DOCK6: variants seen among roughly 807,000 people sequenced by gnomAD.
The protein encoded by DOCK6 is dedicator of cytokinesis 6.
A neutral mutation model predicts 230.3 loss-of-function variants in DOCK6; 167 were observed. The observed-to-expected ratio is 0.73, with a 90% CI of 0.64 to 0.82. The LOEUF (loss-of-function observed/expected upper bound fraction) is 0.82, where lower values mean the gene tolerates loss of function less well. Ranked by LOEUF, DOCK6 falls within the 40% of genes least tolerant of loss-of-function variation. The probability of loss-of-function intolerance (pLI) is 0.00; values close to 1 mark genes in which losing one functional copy is unlikely to be tolerated. For synonymous variants in DOCK6, 1,148 were observed against 1,185.0 expected, an observed-to-expected ratio of 0.97 and a Z score of 0.64; for missense variants, 2,598 against 2,825.8, an observed-to-expected ratio of 0.92 and a Z score of 1.83.
Position 11,252,947 on chromosome 19 carries a change from A to G in DOCK6, c.144T>C (p.Thr48=). ...RCSSSLGVPL[T]EVVEPLDFED... ...CAAAGTCCAGGGGCTCGACAACTTCAGTCAGTGGGACCTGGATTGGAGCAA... is the reference window on the plus strand; with the variant it reads ...CAAAGTCCAGGGGCTCGACAACTTCGGTCAGTGGGACCTGGATTGGAGCAA... The change falls in exon 3 of 48, where the codon ACT becomes ACC. Residue 48 remains threonine (T), a synonymous_variant. Coordinates refer to ENST00000294618, the MANE Select transcript of DOCK6 (RefSeq NM_020812.4). 1 of 1,606,864 alleles carries G rather than the reference A, an allele frequency of 6.2e-7. No individual in the cohort carries two copies. Among genetic ancestry groups the G allele is most frequent in the Non-Finnish European group, 8.5e-7 (1 of 1,176,786 alleles).
At position 11,223,118 on chromosome 19, in the gene DOCK6, G is replaced by T. The variant is rs1313086521; in HGVS notation, c.2956-12C>A. ...GCCAGCTCCACATCCTGGGGACACAGGTGCCTGTCAACCCACACACCCAAA... is the reference window on the plus strand; with the variant it reads ...GCCAGCTCCACATCCTGGGGACACATGTGCCTGTCAACCCACACACCCAAA... On this transcript the variant is annotated splice_polypyrimidine_tract_variant and intron_variant, in intron 24 of 47. Coordinates refer to ENST00000294618, the MANE Select transcript of DOCK6 (RefSeq NM_020812.4). The T allele has an allele frequency of 1.2e-6, 2 of 1,610,486 alleles. No homozygotes were observed. Among genetic ancestry groups the T allele is most frequent in the Admixed American group, 3.3e-5 (2 of 59,958 alleles).
intron 31 of DOCK6, 88 bp from the exon 32 acceptor site, chr19:11,215,559 C>T (rs958493067): frequency 3.5e-6 from 5 of 1,410,200 alleles, no homozygotes. Flanking sequence ...TGAAGATATT[C>T]AGGTGGGCTG....
At chr19:11,256,131 TG>T (rs1056810213) in intron 1 of DOCK6, among the ~76,000 whole-genome samples, 3 of 152,042 alleles carry the variant, frequency 2.0e-5, no homozygotes, top group African/African-American at 7.2e-5. Flanking sequence ...TTCTACTGAC[TG>T]GGGGGGTTGA....
At chr19:11,228,875 C>T in intron 23 of DOCK6, 65 bp downstream of exon 23, 1 of 1,546,586 alleles carries the variant, frequency 6.5e-7, no homozygotes, top group Non-Finnish European at 8.9e-7. Flanking sequence ...GGGCTTCTCT[C>T]TTTAAAAAAG....
At chr19:11,249,898 C>CAAA (rs1198954379) in intron 6 of DOCK6, among the ~76,000 whole-genome samples, 523 of 50,308 alleles carry the variant, frequency 0.01, 35 homozygotes, top group African/African-American at 0.05. Flanking sequence ...GACTCCATCT[C>CAAA]AAAAAAAAAA....
At chr19:11,225,035 G>A (rs1308222000) in intron 24 of DOCK6, among the ~76,000 whole-genome samples, 1 of 151,642 alleles carries the variant, frequency 6.6e-6, no homozygotes. Flanking sequence ...CTGCACTCCC[G>A]CCTGGGCGAC....
chr19:11,244,749 G>T (rs1432233184), intron 9 of DOCK6, among the ~76,000 whole-genome samples: 1 of 152,000 alleles, frequency 6.6e-6, no homozygotes, highest in African/African-American at 2.4e-5. Context: ...GTGAGCCACC[G>T]CGCCCAGCCA....
At chr19:11,210,087 C>G (rs1339247016) in intron 37 of DOCK6, among the ~76,000 whole-genome samples, 1 of 140,900 alleles carries the variant, frequency 7.1e-6, no homozygotes, top group Non-Finnish European at 1.6e-5. Context: ...CCCTCACCTG[C>G]CCACCTTCTC....
intron 30 of DOCK6, 59 bp downstream of exon 30, chr19:11,216,855 G>T: frequency 6.4e-7 from 1 of 1,568,180 alleles, no homozygotes; most frequent in Non-Finnish European, 8.8e-7. Context: ...CAGCACGCTG[G>T]GTCCCTGGGT....
At chr19:11,239,794 T>G in intron 14 of DOCK6, 1 of 1,608,994 alleles carries the variant, frequency 6.2e-7, no homozygotes, top group Non-Finnish European at 8.5e-7. Flanking sequence ...CAACGGTGTG[T>G]ACAGGACCAC....
Position 11,253,622 on chromosome 19 carries a change from A to AC in DOCK6, c.132+16dup, listed in dbSNP as rs756563297. On this transcript the variant is annotated intron_variant, in intron 2 of 47. Coordinates refer to ENST00000294618, the MANE Select transcript of DOCK6 (RefSeq NM_020812.4). ...AGAGAGGGCAGAGGGCTGGGGGCGG[A>AC]CCCCCCAAATACTTACCCCCAGGGA... 1.0e-5 allele frequency: 14 copies of AC among 1,378,486 alleles called. No individual in the cohort carries two copies. Among genetic ancestry groups the AC allele is most frequent in the Non-Finnish European group, 1.2e-5 (13 of 1,060,820 alleles). 85.4% of individuals were successfully genotyped at this position (1,378,486 alleles called of 1,614,324 possible).
intron 20 of DOCK6, 114 bp from the exon 21 acceptor site, chr19:11,235,873 A>G: frequency 4.6e-6 from 6 of 1,302,724 alleles, no homozygotes; most frequent in Non-Finnish European, 6.0e-6. Context: ...TTAAGGGGTC[A>G]CAAATTTTTT....
intron 37 of DOCK6, among the ~76,000 whole-genome samples, 172 bp downstream of exon 37, chr19:11,211,600 TCCCC>T (rs1568674969): frequency 2.8e-5 from 4 of 141,470 alleles, no homozygotes; most frequent in African/African-American, 1.1e-4. Flanking sequence ...TGCTCACCTG[TCCCC>T]CTCACCTGTC....
intron 24 of DOCK6, among the ~76,000 whole-genome samples, chr19:11,225,083 C>T (rs2079643199): frequency 6.6e-6 from 1 of 151,938 alleles, no homozygotes; most frequent in African/African-American, 2.4e-5. Context: ...AAAAAATTAG[C>T]CGGGCATGGT....
rs137997705 is a variant in DOCK6, at chr19:11,241,956, G to A, written c.1643+89C>T. 10,940 of 1,461,172 alleles carry A rather than the reference G, an allele frequency of 7.5e-3. 51 individuals are homozygous for A. Among genetic ancestry groups the A allele is most frequent in the Non-Finnish European group, 8.2e-3 (8,991 of 1,091,150 alleles). 90.5% of individuals were successfully genotyped at this position (1,461,172 alleles called of 1,614,324 possible). A position where few individuals can be genotyped will look rare whatever the true frequency, so the allele number is the denominator to read the frequency against. On this transcript the variant is annotated intron_variant, in intron 14 of 47. Transcript: ENST00000294618. ...TCGTGGCATCTCACCCAGGGTGTCTGTGTGTGTCCTTGGCTTAGGGAGACC... is the reference window on the plus strand; with the variant it reads ...TCGTGGCATCTCACCCAGGGTGTCTATGTGTGTCCTTGGCTTAGGGAGACC...
At position 11,200,981 on chromosome 19, in the gene DOCK6, G is replaced by C. The variant is rs775773924; in HGVS notation, c.5760C>G (p.Thr1920=). ...QKKTRELAFA[T]EQDPPDAKML... ...TCTTAGCATCTGGTGGGTCCTGCTC[G>C]GTGGCAAAGGCCAGCTCCCGTGTCT... Residue 1920 remains threonine, a synonymous_variant, in exon 45 of 48, where the codon ACC becomes ACG. Coordinates refer to ENST00000294618, the MANE Select transcript of DOCK6 (RefSeq NM_020812.4). The surrounding 1 kb of genome is among the most constrained non-coding windows in gnomAD (Gnocchi z 4.3). 3 of 1,613,800 alleles carry C rather than the reference G, an allele frequency of 1.9e-6. No individual in the cohort carries two copies. The highest frequency in any genetic ancestry group is 2.2e-5 in the South Asian group (2 of 91,080).
intron 14 of DOCK6, among the ~76,000 whole-genome samples, chr19:11,240,720 C>T (rs1262623730): frequency 6.6e-6 from 1 of 151,812 alleles, no homozygotes; most frequent in East Asian, 1.9e-4. Flanking sequence ...GCTGGAATTA[C>T]AGGTGCACCA....
intron 14 of DOCK6, among the ~76,000 whole-genome samples, chr19:11,240,704 T>C (rs1836003): frequency 0.58 from 87,479 of 151,246 alleles, 26,968 homozygotes; most frequent in African/African-American, 0.81. Context: ...CTCAGCCTCC[T>C]GAGTAGCTGG....
intron 22 of DOCK6, among the ~76,000 whole-genome samples, chr19:11,230,910 G>A (rs1321379135): frequency 1.3e-5 from 2 of 152,122 alleles, no homozygotes; most frequent in Non-Finnish European, 2.9e-5. Flanking sequence ...GAGGTCTGAT[G>A]ACAGAGACGA....
Sources: gnomAD v4.1 joint callset for allele counts (sites outside exome capture counted in the v4.1 genomes callset) on GRCh38, gnomAD v4.1.1 for gene constraint, Gnocchi (gnomAD v3.1) non-coding constraint, MANE v1.5 for transcripts, NCBI Gene and HGNC (gene_info 2026-07-23, HGNC 2026-07-21) for gene names.